Variants in LETM1 observed in about 807,000 individuals in gnomAD.
LETM1 encodes mitochondrial proton/calcium exchanger protein.
LETM1 carries 50 observed loss-of-function variants against 74.5 expected under a neutral mutation model. The ratio of observed to expected loss-of-function variants is 0.67; its 90% CI spans 0.53 to 0.85. The LOEUF (loss-of-function observed/expected upper bound fraction) is 0.85. Ranked by LOEUF, LETM1 falls within the 40% of genes least tolerant of loss-of-function variation. The probability of loss-of-function intolerance (pLI) is 0.00; values close to 1 mark genes in which losing one functional copy is unlikely to be tolerated. For missense variants in LETM1, 824 were observed against 967.8 expected (o/e 0.85, Z 1.97); for synonymous variants, 446 against 407.1 (o/e 1.10, Z -1.15).
chr4:1,852,239 G>A lies in LETM1; in HGVS notation c.83-3030C>T, dbSNP rs189824431. Among the ~76,000 whole-genome samples, 167 of 152,270 alleles carry A rather than the reference G, an allele frequency of 1.1e-3. 1 individual carries two copies. The highest frequency in any genetic ancestry group is 3.7e-3 in the African/African-American group (153 of 41,542). On this transcript the variant is annotated intron_variant, in intron 1 of 13. Transcript: ENST00000302787. ...GGGTTCCCATGACCGCCTTGGTTTTGATCATTCACAAGAATGACTCAGATG... is the reference window on the plus strand; with the variant it reads ...GGGTTCCCATGACCGCCTTGGTTTTAATCATTCACAAGAATGACTCAGATG...
At chr4:1,851,748 C>T (rs934902657) in intron 1 of LETM1, among the ~76,000 whole-genome samples, 1 of 152,226 alleles carries the variant, frequency 6.6e-6, no homozygotes, top group Non-Finnish European at 1.5e-5. Context: ...TTCAGCCCCT[C>T]CACCCCTGCC....
At chr4:1,833,371 A>G (rs1224217638) in intron 5 of LETM1, 1 of 237,742 alleles carries the variant, frequency 4.2e-6, no homozygotes, top group Non-Finnish European at 8.4e-6. Flanking sequence ...GCCTGGGGAA[A>G]GGTGGCGTCT....
At chr4:1,823,275 C>G in intron 8 of LETM1, 144 bp from the exon 9 acceptor site, 1 of 1,172,690 alleles carries the variant, frequency 8.5e-7, no homozygotes, top group Non-Finnish European at 1.2e-6. Context: ...TGCCGAGGTG[C>G]TGCCCGCAAT....
In LETM1 at chr4:1,814,578, A is replaced by G; in HGVS notation, c.2071-5T>C. On this transcript the variant is annotated splice_polypyrimidine_tract_variant and splice_region_variant and intron_variant, in intron 13 of 13. Coordinates refer to ENST00000302787, the MANE Select transcript of LETM1 (RefSeq NM_012318.3). ...TTTGTCCACCAGCTCAATCACCTACACACGTGGGAAAGGGAGAGGCTCAGG... is the reference window on the plus strand; with the variant it reads ...TTTGTCCACCAGCTCAATCACCTACGCACGTGGGAAAGGGAGAGGCTCAGG... 1 of 1,612,176 alleles carries G rather than the reference A, an allele frequency of 6.2e-7. No individual in the cohort carries two copies. Among genetic ancestry groups the G allele is most frequent in the Non-Finnish European group, 8.5e-7 (1 of 1,178,848 alleles).
intron 12 of LETM1, among the ~76,000 whole-genome samples, chr4:1,816,022 C>T (rs765622167): frequency 1.5e-4 from 23 of 152,280 alleles, no homozygotes; most frequent in Non-Finnish European, 2.6e-4. Flanking sequence ...ACCACCAGGT[C>T]CAGGGTTTCC....
intron 1 of LETM1, among the ~76,000 whole-genome samples, chr4:1,850,644 GA>G (rs535769857): frequency 0.031 from 2,290 of 74,348 alleles, 25 homozygotes; most frequent in Middle Eastern, 0.08. Context: ...CTCTGTCTCA[GA>G]AAAAAAAAAA....
At chr4:1,839,065 T>A (rs1712596171) in intron 3 of LETM1, among the ~76,000 whole-genome samples, 1 of 152,114 alleles carries the variant, frequency 6.6e-6, no homozygotes. Flanking sequence ...TTACTTCAGC[T>A]GAAAAGAGAA....
In LETM1 at chr4:1,838,211, T is replaced by A. The variant is rs577118491; in HGVS notation, c.595-1639A>T. ...GCCTCCCGAGTTCAAGTGATTCTCC[T>A]GCCTCAGCCTCCTGAGTAGTTGGGA... On this transcript the variant is annotated intron_variant, in intron 3 of 13. Coordinates refer to ENST00000302787, the MANE Select transcript of LETM1 (RefSeq NM_012318.3). 2.0e-5 allele frequency among the ~76,000 whole-genome samples: 3 copies of A among 152,176 alleles called. No homozygotes were observed. In the South Asian group the frequency reaches 6.2e-4, roughly 32 times the overall value.
chr4:1,828,150 C>A, intron 6 of LETM1, among the ~76,000 whole-genome samples: 1 of 116,466 alleles, frequency 8.6e-6, no homozygotes, highest in African/African-American at 3.3e-5. Flanking sequence ...AGAGGGGCTC[C>A]TCACTTCCCA....
chr4:1,841,827 T>C lies in LETM1; in HGVS notation c.144-30A>G, dbSNP rs774305222. 1.8e-5 allele frequency: 28 copies of C among 1,536,766 alleles called. No individual in the cohort carries two copies. The South Asian group carries it at 3.1e-4, about 17-fold the overall frequency. ...AAAAGGGAAGAGTGGAAAACAGTAGTAAGAGCCAGCACTAGCCTTTGACAG... is the reference window on the plus strand; with the variant it reads ...AAAAGGGAAGAGTGGAAAACAGTAGCAAGAGCCAGCACTAGCCTTTGACAG... On this transcript the variant is annotated intron_variant, in intron 2 of 13. Coordinates refer to ENST00000302787, the MANE Select transcript of LETM1 (RefSeq NM_012318.3).
intron 6 of LETM1, among the ~76,000 whole-genome samples, chr4:1,828,851 C>T (rs1192145721): frequency 2.7e-5 from 3 of 111,900 alleles, no homozygotes; most frequent in African/African-American, 3.6e-5. Context: ...GGCGGCTGGC[C>T]GGGCGGGAGG....
rs142447147 is a variant in LETM1, at chr4:1,841,638, C to G, written c.303G>C (p.Gln101His). The G allele has an allele frequency of 6.4e-4, 1,038 of 1,614,188 alleles. 3 individuals are homozygous for G. Among genetic ancestry groups the G allele is most frequent in the Middle Eastern group, 4.8e-3 (29 of 6,062 alleles). The change falls in exon 3 of 14, where the codon CAG (glutamine) becomes CAC (histidine). Residue 101 changes from glutamine to histidine, a missense_variant. Around this residue, in one of 4 missense-constraint regions of LETM1, gnomAD observed 222 missense variants for 195.6 expected, o/e 1.14. Transcript: ENST00000302787. Reference protein sequence around the residue: ...TSVGFVAVGPQCLPVRGWHSS... With the variant: ...TSVGFVAVGPHCLPVRGWHSS... Reference sequence around the variant, plus strand: ...AGTGCCAGCCACGCACAGGAAGGCACTGAGGTCCCACAGCCACAAAACCCA... The same window carrying G: ...AGTGCCAGCCACGCACAGGAAGGCAGTGAGGTCCCACAGCCACAAAACCCA...
intron 5 of LETM1, chr4:1,833,320 T>G (rs1047636914): frequency 1.4e-5 from 4 of 278,168 alleles, no homozygotes; most frequent in South Asian, 1.2e-4. Context: ...CCTGCCCAGC[T>G]TGGCCTCAAA....
At chr4:1,830,322 A>G (rs751558824) in intron 6 of LETM1, among the ~76,000 whole-genome samples, 28 of 151,932 alleles carry the variant, frequency 1.8e-4, no homozygotes, top group Admixed American at 3.3e-4. Context: ...GTAATTTTTC[A>G]TTTGGTTCTT....
chr4:1,853,287 G>A (rs1019937723), intron 1 of LETM1, among the ~76,000 whole-genome samples: 3 of 152,166 alleles, frequency 2.0e-5, no homozygotes, highest in African/African-American at 4.8e-5. Flanking sequence ...GCTTCTGCTC[G>A]TAAAGCGACT....
In LETM1 at chr4:1,822,781, A is replaced by T. The variant is rs1042653242; in HGVS notation, c.1476+207T>A. On this transcript the variant is annotated intron_variant, in intron 9 of 13. Transcript: ENST00000302787. ...CTAAGGTATATCTCCCATGAGCACC[A>T]CTGTGGCCATCGGGGAGTCCCCATG... 7.1e-6 allele frequency: 3 copies of T among 424,116 alleles called. No homozygotes were observed. The East Asian group carries it at 1.1e-4, about 15-fold the overall frequency. 26.3% of individuals were successfully genotyped at this position (424,116 alleles called of 1,614,324 possible).
rs1722543774 is a variant in LETM1 at position 1,814,173 on chromosome 4, G to A, written c.*251C>T. The stretch of plus-strand genomic sequence containing the variant: ...CCTTGGCCCAGCCCAGCTGCCTCTG[G>A]AGCCAGGAGGCCGTGGCAGCCACAC... On this transcript the variant is annotated 3_prime_UTR_variant, in exon 14 of 14. Transcript: ENST00000302787. The A allele has an allele frequency of 1.8e-6, 1 of 561,170 alleles. No individual in the cohort carries two copies. Among genetic ancestry groups the A allele is most frequent in the African/African-American group, 1.9e-5 (1 of 52,878 alleles). The allele number at this position is 561,170 out of a possible 1,614,324, so 34.8% of individuals were successfully genotyped here. A position where few individuals can be genotyped will look rare whatever the true frequency, so the allele number is the denominator to read the frequency against.
intron 1 of LETM1, among the ~76,000 whole-genome samples, chr4:1,849,733 A>G (rs1318571824): frequency 6.6e-6 from 1 of 152,168 alleles, no homozygotes; most frequent in Non-Finnish European, 1.5e-5. Flanking sequence ...ATTTTTGTAA[A>G]GACGGGGTTT....
chr4:1,847,964 C>T (rs1344018585), intron 2 of LETM1, among the ~76,000 whole-genome samples: 3 of 151,140 alleles, frequency 2.0e-5, no homozygotes, highest in East Asian at 1.9e-4. Context: ...CCACTGCATT[C>T]CAGCTTGGTG....
Sources: allele counts gnomAD v4.1 joint callset (sites outside exome capture counted in the v4.1 genomes callset), GRCh38; gene constraint gnomAD v4.1.1; regional missense constraint gnomAD v4.1.1; transcripts MANE v1.5; gene names NCBI Gene and HGNC (gene_info 2026-07-23, HGNC 2026-07-21).